The following CSMD3 variants were observed in gnomAD, a reference collection of about 807,000 sequenced individuals.
CSMD3 encodes the protein CUB and Sushi multiple domains 3, also known as CUB and sushi domain-containing protein 3.
In CSMD3, 177 loss-of-function variants were observed where a neutral mutation model predicts 435.2. The ratio of observed to expected loss-of-function variants is 0.41; its 90% CI spans 0.36 to 0.46. CSMD3 has a LOEUF of 0.46. Among genes scored for constraint, CSMD3 ranks in the 20% least tolerant of loss-of-function variants. The pLI, the probability that CSMD3 is intolerant of heterozygous loss-of-function variation, is 0.34. For missense variants in CSMD3, 4,265 were observed against 4,504.6 expected (o/e 0.95, Z 1.52); for synonymous variants, 1,656 against 1,520.5 (o/e 1.09, Z -2.07).
At chr8:112,509,209 C>T (rs1822843107) in intron 28 of CSMD3, among the ~76,000 whole-genome samples, 1 of 152,012 alleles carries the variant, frequency 6.6e-6, no homozygotes, top group Non-Finnish European at 1.5e-5. Context: ...CCCACCTCAG[C>T]CTCCCCAGTA....
At chr8:112,798,277 T>G (rs549114748) in intron 13 of CSMD3, among the ~76,000 whole-genome samples, 1 of 151,860 alleles carries the variant, frequency 6.6e-6, no homozygotes, top group East Asian at 1.9e-4. Context: ...TTTGGTAAAA[T>G]TAGAGTTTAT....
chr8:113,277,396 G>A (rs1338604697), intron 3 of CSMD3, among the ~76,000 whole-genome samples: 1 of 151,884 alleles, frequency 6.6e-6, no homozygotes, highest in African/African-American at 2.4e-5. Flanking sequence ...CAAAACTGCT[G>A]CTATCTGACA....
chr8:113,109,618 C>T (rs973714520), intron 4 of CSMD3, among the ~76,000 whole-genome samples: 78 of 152,276 alleles, frequency 5.1e-4, no homozygotes, highest in African/African-American at 1.7e-3. Flanking sequence ...GATTGGGTTC[C>T]TAAGGCTTCA....
At chr8:113,109,558 T>C (rs2090576309) in intron 4 of CSMD3, among the ~76,000 whole-genome samples, 1 of 152,236 alleles carries the variant, frequency 6.6e-6, no homozygotes, top group South Asian at 2.1e-4. Context: ...TTATGTCTTA[T>C]AGCTCAAGAA....
chr8:112,263,829 A>C lies in CSMD3; in HGVS notation c.9689-17T>G, dbSNP rs1328094312. 1 of 1,608,914 alleles carries C rather than the reference A, an allele frequency of 6.2e-7. No homozygotes were observed. Among genetic ancestry groups the C allele is most frequent in the Non-Finnish European group, 8.5e-7 (1 of 1,175,370 alleles). On this transcript the variant is annotated splice_polypyrimidine_tract_variant and intron_variant, in intron 60 of 70. Transcript: ENST00000297405. The stretch of plus-strand genomic sequence containing the variant: ...AGGTAACAGCTGCAATTACATTAAA[A>C]GTGATTAGACACAGCTGTTGAAATA...
intron 27 of CSMD3, among the ~76,000 whole-genome samples, chr8:112,547,586 T>C (rs1180700847): frequency 6.6e-6 from 1 of 151,942 alleles, no homozygotes; most frequent in African/African-American, 2.4e-5. Flanking sequence ...TCTAGAACAA[T>C]GAATTGCTAC....
chr8:113,292,056 T>C (rs767403473), intron 2 of CSMD3, among the ~76,000 whole-genome samples: 1 of 151,732 alleles, frequency 6.6e-6, no homozygotes, highest in East Asian at 1.9e-4. Flanking sequence ...TGTTAATGTG[T>C]CCCAGGTATT....
At chr8:113,303,097 AG>A (rs2132603399) in intron 2 of CSMD3, among the ~76,000 whole-genome samples, 1 of 141,270 alleles carries the variant, frequency 7.1e-6, no homozygotes, top group African/African-American at 2.7e-5. Flanking sequence ...AAAAATCACA[AG>A]CATTCTTATA....
rs775226567 is a variant in CSMD3 at position 112,632,688 on chromosome 8, G to A, written c.3715+4129C>T. On this transcript the variant is annotated intron_variant, in intron 22 of 70. Transcript: ENST00000297405. ...TTTCCTGATTTAAAAAGATAGCAAC[G>A]TAAATGACAGTGTTTTTGTAATGTA... Among the ~76,000 whole-genome samples the A allele has an allele frequency of 2.6e-5, 4 of 152,054 alleles. No homozygotes were observed. In the South Asian group the frequency reaches 6.2e-4, roughly 24 times the overall value.
At chr8:113,416,965 A>G (rs1348841187) in intron 1 of CSMD3, among the ~76,000 whole-genome samples, 2 of 152,070 alleles carry the variant, frequency 1.3e-5, no homozygotes, top group East Asian at 3.8e-4. Context: ...TTGTTTTAAT[A>G]GTTGGCTCTT....
rs114993136 is a variant in CSMD3, at chr8:112,327,125, G to A, written c.7166-7144C>T. Among the ~76,000 whole-genome samples, 497 of 152,244 alleles carry A rather than the reference G, an allele frequency of 3.3e-3. 4 individuals carry two copies. The highest frequency in any genetic ancestry group is 0.012 in the African/African-American group (484 of 41,558). On this transcript the variant is annotated intron_variant, in intron 45 of 70. Coordinates refer to ENST00000297405, the MANE Select transcript of CSMD3 (RefSeq NM_198123.2). ...AAATCCATGAGTTTAGCAACACACT[G>A]TATCATCCTATATAATATGTAAGTG...
intron 10 of CSMD3, among the ~76,000 whole-genome samples, chr8:112,863,041 A>G (rs1002837095): frequency 8.6e-5 from 13 of 151,936 alleles, no homozygotes; most frequent in Non-Finnish European, 1.3e-4. Flanking sequence ...TTCTCTTTGT[A>G]CACTTTTCCT....
rs188629332 is a variant in CSMD3 at position 112,393,132 on chromosome 8, C to T, written c.5810-2344G>A. On this transcript the variant is annotated intron_variant, in intron 35 of 70. Transcript: ENST00000297405. The stretch of plus-strand genomic sequence containing the variant: ...TTGAATCACCAGCCTCAAACAATGC[C>T]GCCTCAGCCTCCTAAAGTGCTAGGA... Among the ~76,000 whole-genome samples, 422 of 152,060 alleles carry T rather than the reference C, an allele frequency of 2.8e-3. 1 individual carries two copies. The highest frequency in any genetic ancestry group is 9.8e-3 in the African/African-American group (406 of 41,474).
intron 34 of CSMD3, among the ~76,000 whole-genome samples, chr8:112,407,723 A>G (rs2130050266): frequency 6.6e-6 from 1 of 152,184 alleles, no homozygotes; most frequent in South Asian, 2.1e-4. Flanking sequence ...ATTAACTACT[A>G]TATGACCATA....
chr8:112,231,394 T>A, intron 69 of CSMD3, 151 bp downstream of exon 69: 1 of 653,838 alleles, frequency 1.5e-6, no homozygotes, highest in Non-Finnish European at 2.8e-6. Flanking sequence ...TGTGATTATT[T>A]AAAAGGGCTA....
chr8:112,224,765 G>A lies in CSMD3; in HGVS notation c.*6C>T, dbSNP rs2129756910. 1 of 1,613,952 alleles carries A rather than the reference G, an allele frequency of 6.2e-7. No homozygotes were observed. The highest frequency in any genetic ancestry group is 2.2e-5 in the East Asian group (1 of 44,850). On this transcript the variant is annotated 3_prime_UTR_variant, in exon 71 of 71. Transcript: ENST00000297405. ...CAAGCTTCTGAAGAAGGCAAAGGTT[G>A]CCTCGTTATACCATTGTGCAAACCG...
chr8:113,290,823 A>G (rs2093681349), intron 2 of CSMD3, among the ~76,000 whole-genome samples: 2 of 151,572 alleles, frequency 1.3e-5, no homozygotes, highest in Admixed American at 1.3e-4. Context: ...TTATTATACT[A>G]TTTTAAAATA....
chr8:113,363,052 C>A (rs1386102712), intron 1 of CSMD3, among the ~76,000 whole-genome samples: 1 of 152,108 alleles, frequency 6.6e-6, no homozygotes, highest in African/African-American at 2.4e-5. Flanking sequence ...GTAATAAAAC[C>A]CTCTCCTCAA....
At chr8:112,900,046 C>T (rs1211795790) in intron 10 of CSMD3, among the ~76,000 whole-genome samples, 1 of 151,024 alleles carries the variant, frequency 6.6e-6, no homozygotes, top group Non-Finnish European at 1.5e-5. Context: ...TACAAGTGGA[C>T]ACATTTTTTC....
Sources: gnomAD v4.1 joint callset for allele counts (sites outside exome capture counted in the v4.1 genomes callset) on GRCh38, gnomAD v4.1.1 for gene constraint, MANE v1.5 for transcripts, NCBI Gene and HGNC (gene_info 2026-07-23, HGNC 2026-07-21) for gene names.